Variants in RBFOX1 observed in about 807,000 individuals in gnomAD.
RBFOX1 encodes the protein RNA binding protein fox-1 homolog 1.
Under a neutral mutation model 57.7 loss-of-function variants are expected in RBFOX1, and 8 were observed. The observed-to-expected ratio is 0.14, with a 90% CI of 0.08 to 0.25. The LOEUF is 0.25. Among genes scored for constraint, RBFOX1 ranks in the 10% least tolerant of loss-of-function variants. The pLI, the probability that RBFOX1 is intolerant of heterozygous loss-of-function variation, is 1.00. For missense variants in RBFOX1, 611 were observed against 548.5 expected, an observed-to-expected ratio of 1.11 and a Z score of -1.14; for synonymous variants, 326 against 222.4, an observed-to-expected ratio of 1.47 and a Z score of -4.15.
intron 1 of RBFOX1, among the ~76,000 whole-genome samples, chr16:6,255,389 G>A (rs756349759): frequency 9.2e-5 from 14 of 152,080 alleles, no homozygotes; most frequent in Non-Finnish European, 1.5e-4. Context: ...TATTTTGCTC[G>A]GCCAAGAGGT....
intron 3 of RBFOX1, among the ~76,000 whole-genome samples, chr16:5,663,551 T>G (rs1280386673): frequency 6.6e-6 from 1 of 152,170 alleles, no homozygotes; most frequent in African/African-American, 2.4e-5. Context: ...AGTCAAGCAG[T>G]GACCAGTTGT....
Position 6,071,459 on chromosome 16 carries a change from T to TACA in RBFOX1, c.-127+51472_-127+51474dup, listed in dbSNP as rs568070309. ...AATACTTGGGTGACAAGATAATCTGTACAACAAACCCCAATAACATGAGTT... is the reference window on the plus strand; with the variant it reads ...AATACTTGGGTGACAAGATAATCTGTACAACAACAAACCCCAATAACATGAGTT... On this transcript the variant is annotated intron_variant, in intron 1 of 15. Coordinates refer to ENST00000550418, the MANE Select transcript of RBFOX1 (RefSeq NM_018723.4). Among the ~76,000 whole-genome samples, 19 of 152,318 alleles carry TACA rather than the reference T, an allele frequency of 1.2e-4. No homozygotes were observed. In the East Asian group the frequency reaches 3.5e-3, roughly 28 times the overall value.
intron 14 of RBFOX1, among the ~76,000 whole-genome samples, chr16:7,688,447 G>A (rs1361079573): frequency 2.0e-5 from 3 of 151,928 alleles, no homozygotes; most frequent in Non-Finnish European, 4.4e-5. Flanking sequence ...TTTGCTATGG[G>A]GAATGTTTAC....
At chr16:7,331,076 A>C (rs999939915) in intron 4 of RBFOX1, among the ~76,000 whole-genome samples, 2 of 152,174 alleles carry the variant, frequency 1.3e-5, no homozygotes, top group Non-Finnish European at 2.9e-5. Context: ...GATGGCCAAA[A>C]TTCAGCCTTA....
intron 1 of RBFOX1, among the ~76,000 whole-genome samples, chr16:6,308,434 C>T (rs1391997448): frequency 6.6e-6 from 1 of 152,314 alleles, no homozygotes; most frequent in African/African-American, 2.4e-5. Context: ...TAAATGAATG[C>T]ACATGACTGC....
intron 4 of RBFOX1, among the ~76,000 whole-genome samples, chr16:5,930,197 A>G (rs1272394777): frequency 7.3e-6 from 1 of 137,108 alleles, no homozygotes; most frequent in Non-Finnish European, 1.6e-5. Context: ...CTTAAAAGAA[A>G]GAAGAATGGA....
At chr16:6,063,312 A>G (rs2152463914) in intron 1 of RBFOX1, among the ~76,000 whole-genome samples, 1 of 152,194 alleles carries the variant, frequency 6.6e-6, no homozygotes, top group East Asian at 1.9e-4. Context: ...AGGCCAGGCT[A>G]CCTTCCTCAT....
At chr16:6,767,047 A>T (rs1272682189) in intron 3 of RBFOX1, among the ~76,000 whole-genome samples, 1 of 151,948 alleles carries the variant, frequency 6.6e-6, no homozygotes, top group Non-Finnish European at 1.5e-5. Context: ...CAAAATAATC[A>T]TTGTTTTCAT....
chr16:7,080,554 C>G lies in RBFOX1; in HGVS notation c.27+28456C>G, dbSNP rs573805549. ...CACCATCCCTGTAGTCACTTAAGCT[C>G]TCTGACCTGTTCAGAGATTCCTCAG... On this transcript the variant is annotated intron_variant, in intron 4 of 15. Transcript: ENST00000550418. 5.3e-5 allele frequency among the ~76,000 whole-genome samples: 8 copies of G among 152,270 alleles called. No individual in the cohort carries two copies. The East Asian group carries it at 1.5e-3, about 29-fold the overall frequency.
intron 4 of RBFOX1, among the ~76,000 whole-genome samples, chr16:5,981,818 G>A (rs939966715): frequency 6.6e-6 from 1 of 152,122 alleles, no homozygotes; most frequent in South Asian, 2.1e-4. Flanking sequence ...CTGAACGGAC[G>A]TTTGACAATG....
chr16:5,391,303 A>G (rs1188010238), intron 1 of RBFOX1, among the ~76,000 whole-genome samples: 1 of 151,538 alleles, frequency 6.6e-6, no homozygotes, highest in African/African-American at 2.4e-5. Context: ...AAATCAAAGC[A>G]TCAGTGGGGT....
At chr16:7,540,283 G>A (rs1010632881) in intron 5 of RBFOX1, among the ~76,000 whole-genome samples, 4 of 152,114 alleles carry the variant, frequency 2.6e-5, no homozygotes, top group African/African-American at 9.7e-5. Flanking sequence ...TCTGACTGTA[G>A]CAATATGTTT....
rs548163008 is a variant in RBFOX1 at position 7,108,026 on chromosome 16, G to A, written c.27+55928G>A. Among the ~76,000 whole-genome samples, 5 of 151,420 alleles carry A rather than the reference G, an allele frequency of 3.3e-5. No homozygotes were observed. In the East Asian group the frequency reaches 9.7e-4, roughly 29 times the overall value. On this transcript the variant is annotated intron_variant, in intron 4 of 15. Transcript: ENST00000550418. ...GATGACAGTGACATAAGATTGGGGG[G>A]GAGAGGGTAGAGAGGTGAAAGGATG...
At chr16:6,591,034 G>T (rs2097702854) in intron 2 of RBFOX1, among the ~76,000 whole-genome samples, 1 of 152,186 alleles carries the variant, frequency 6.6e-6, no homozygotes, top group Admixed American at 6.5e-5. Flanking sequence ...GCAAGATGTG[G>T]ACAAGTATAA....
intron 3 of RBFOX1, among the ~76,000 whole-genome samples, chr16:7,016,707 G>A (rs559854988): frequency 2.0e-4 from 31 of 152,260 alleles, no homozygotes; most frequent in Admixed American, 1.3e-3. Context: ...GCCTATTCCC[G>A]TATTTTTCTT....
intron 1 of RBFOX1, among the ~76,000 whole-genome samples, chr16:6,030,676 G>C (rs2095275269): frequency 6.6e-6 from 1 of 152,172 alleles, no homozygotes; most frequent in Non-Finnish European, 1.5e-5. Flanking sequence ...CTGGAAAATA[G>C]GACCATATAG....
intron 4 of RBFOX1, among the ~76,000 whole-genome samples, chr16:7,508,285 T>A (rs1057060265): frequency 1.6e-4 from 24 of 152,110 alleles, no homozygotes; most frequent in Non-Finnish European, 2.6e-4. Flanking sequence ...GCCAGTTGTT[T>A]TGTTGTTGTT....
Position 5,664,950 on chromosome 16 carries a change from T to TC in RBFOX1, c.318+65989_318+65990insC, listed in dbSNP as rs200742727. On this transcript the variant is annotated intron_variant, in intron 3 of 19. Coordinates refer to the RBFOX1 transcript ENST00000641259. ...ATTTCCCATTTGTTATCTCTGCTCT[T>TC]TTTTTTTTTATCGAGATAGGGTCTT... is the stretch of plus-strand genomic sequence containing the variant. Among the ~76,000 whole-genome samples, 535 of 149,230 alleles carry TC rather than the reference T, an allele frequency of 3.6e-3. 3 individuals are homozygous for TC. Among genetic ancestry groups the TC allele is most frequent in the African/African-American group, 0.012 (466 of 40,396 alleles).
chr16:6,543,172 A>AC (rs1457293530), intron 2 of RBFOX1, among the ~76,000 whole-genome samples: 1 of 152,180 alleles, frequency 6.6e-6, no homozygotes, highest in Admixed American at 6.5e-5. Flanking sequence ...CTTAGGTGGA[A>AC]CATGGCAGGA....
Sources: gnomAD v4.1 joint callset for allele counts (sites outside exome capture counted in the v4.1 genomes callset) on GRCh38, gnomAD v4.1.1 for gene constraint, MANE v1.5 for transcripts, NCBI Gene and HGNC (gene_info 2026-07-23, HGNC 2026-07-21) for gene names.